TFPI: variants seen among roughly 807,000 people sequenced by gnomAD.
The protein encoded by TFPI is tissue factor pathway inhibitor, also known as anti-convertin.
TFPI carries 15 observed loss-of-function variants against 34.6 expected under a neutral mutation model. That is an observed-to-expected ratio of 0.43 (90% CI 0.29 to 0.67). The LOEUF is 0.67. Ranked by LOEUF, TFPI falls within the 30% of genes least tolerant of loss-of-function variation. The probability of loss-of-function intolerance (pLI) is 0.15; values close to 1 mark genes in which losing one functional copy is unlikely to be tolerated. For synonymous variants in TFPI, 105 were observed against 120.1 expected (o/e 0.87, Z 0.82); for missense variants, 301 against 364.0 (o/e 0.83, Z 1.41).
In TFPI at chr2:187,479,530, G is replaced by A. The variant is rs575704127; in HGVS notation, c.628+4594C>T. Among the ~76,000 whole-genome samples the A allele has an allele frequency of 2.2e-4, 28 of 124,574 alleles. No individual in the cohort carries two copies. In the South Asian group the frequency reaches 7.4e-3, roughly 33 times the overall value. The allele number at this position is 124,574 out of a possible 152,430, so 81.7% of individuals were successfully genotyped here. A position where few individuals can be genotyped will look rare whatever the true frequency, so the allele number is the denominator to read the frequency against. The stretch of plus-strand genomic sequence containing the variant: ...GCCCCTATTAGTTTATGCTTATTTT[G>A]GGGGGATATCACGTTCATATATATA... On this transcript the variant is annotated intron_variant, in intron 6 of 7. Coordinates refer to ENST00000233156, the MANE Select transcript of TFPI (RefSeq NM_006287.6).
intron 1 of TFPI, among the ~76,000 whole-genome samples, chr2:187,510,309 T>C (rs1256106056): frequency 6.6e-6 from 1 of 152,172 alleles, no homozygotes; most frequent in Admixed American, 6.5e-5. Flanking sequence ...GTCCTACCAC[T>C]GTAACCCACA....
rs1458815942 is a variant in TFPI, at chr2:187,497,052, T to G, written c.148A>C (p.Met50Leu). Reference sequence around the variant, plus strand: ...GCCTTGAATGCACAAAATGAATGCATAAGTTTCAGTGGTGGCAACTCCGTA... The same window carrying G: ...GCCTTGAATGCACAAAATGAATGCAGAAGTTTCAGTGGTGGCAACTCCGTA... Reference protein sequence around the residue: ...TDTELPPLKLMHSFCAFKADD... With the variant: ...TDTELPPLKLLHSFCAFKADD... Residue 50 changes from methionine (M) to leucine (L), a missense_variant, in exon 3 of 8, where the codon ATG becomes CTG. Physicochemically the swap from Met to Leu is conservative, Grantham distance 15 (BLOSUM62 2). Transcript: ENST00000233156. The G allele has an allele frequency of 6.2e-7, 1 of 1,612,992 alleles. No homozygotes were observed. The highest frequency in any genetic ancestry group is 1.1e-5 in the South Asian group (1 of 91,050).
intron 4 of TFPI, among the ~76,000 whole-genome samples, chr2:187,486,591 G>A (rs1267508134): frequency 6.6e-6 from 1 of 151,602 alleles, no homozygotes; most frequent in Non-Finnish European, 1.5e-5. Context: ...ATGAACTTAT[G>A]TGAAGACAAA....
chr2:187,510,597 G>A (rs898390938), intron 1 of TFPI, among the ~76,000 whole-genome samples: 4 of 152,166 alleles, frequency 2.6e-5, no homozygotes, highest in Non-Finnish European at 4.4e-5. Flanking sequence ...CAGGCAGCCC[G>A]GCGCTGTGCC....
intron 6 of TFPI, among the ~76,000 whole-genome samples, chr2:187,474,821 T>C (rs1692269654): frequency 6.6e-6 from 1 of 152,186 alleles, no homozygotes; most frequent in Non-Finnish European, 1.5e-5. Flanking sequence ...GTGGCTTTTA[T>C]TCATTGTGGC....
At chr2:187,507,955 A>G (rs1419622641) in intron 1 of TFPI, among the ~76,000 whole-genome samples, 1 of 152,176 alleles carries the variant, frequency 6.6e-6, no homozygotes, top group Non-Finnish European at 1.5e-5. Context: ...TCTTATGTTT[A>G]AGTCTTTAAT....
At chr2:187,543,689 T>C (rs577710543) in intron 1 of TFPI, among the ~76,000 whole-genome samples, 4 of 152,334 alleles carry the variant, frequency 2.6e-5, no homozygotes, top group African/African-American at 7.2e-5. Context: ...TAACCCACAT[T>C]AATCATGGTG....
intron 2 of TFPI, among the ~76,000 whole-genome samples, chr2:187,497,391 C>T (rs959789609): frequency 2.0e-5 from 3 of 151,996 alleles, no homozygotes; most frequent in African/African-American, 4.8e-5. Flanking sequence ...TTTAACTCAG[C>T]TAATGGACAG....
intron 1 of TFPI, among the ~76,000 whole-genome samples, chr2:187,553,187 T>C (rs1477192707): frequency 1.4e-5 from 2 of 143,050 alleles, no homozygotes; most frequent in Non-Finnish European, 3.2e-5. Context: ...CTCTCAAAAT[T>C]GTCACAACTT....
chr2:187,548,881 C>A (rs889621567), intron 1 of TFPI, among the ~76,000 whole-genome samples: 6 of 152,072 alleles, frequency 3.9e-5, no homozygotes, highest in African/African-American at 1.4e-4. Context: ...TTGGCACATT[C>A]TTCAGCTGTT....
At chr2:187,538,120 C>T (rs1179957833) in intron 1 of TFPI, among the ~76,000 whole-genome samples, 1 of 152,206 alleles carries the variant, frequency 6.6e-6, no homozygotes, top group East Asian at 1.9e-4. Context: ...AATAGGAATG[C>T]TTTTGCACTG....
At chr2:187,548,738 T>C (rs940716893) in intron 1 of TFPI, among the ~76,000 whole-genome samples, 4 of 152,076 alleles carry the variant, frequency 2.6e-5, no homozygotes, top group African/African-American at 4.8e-5. Context: ...AGGGCTCTTA[T>C]TAATATTTGC....
chr2:187,525,450 T>C lies in TFPI; in HGVS notation c.-2-21680A>G, dbSNP rs557227238. On this transcript the variant is annotated intron_variant, in intron 1 of 7. Transcript: ENST00000233156. ...CCTTCCTCCCTTCCTTTTTTTCTCCTTCCTCCCTCTTTCCCTCTCTCTTTC... is the reference window on the plus strand; with the variant it reads ...CCTTCCTCCCTTCCTTTTTTTCTCCCTCCTCCCTCTTTCCCTCTCTCTTTC... Among the ~76,000 whole-genome samples, 11 of 152,118 alleles carry C rather than the reference T, an allele frequency of 7.2e-5. No individual in the cohort carries two copies. In the South Asian group the frequency reaches 2.1e-3, roughly 29 times the overall value.
At chr2:187,479,549 A>C (rs1692673633) in intron 6 of TFPI, among the ~76,000 whole-genome samples, 1 of 15,616 alleles carries the variant, frequency 6.4e-5, no homozygotes, top group Non-Finnish European at 1.7e-4. Flanking sequence ...TCACGTTCAT[A>C]TATATATATA....
At chr2:187,479,955 G>A (rs1264763901) in intron 6 of TFPI, among the ~76,000 whole-genome samples, 1 of 151,924 alleles carries the variant, frequency 6.6e-6, no homozygotes, top group Non-Finnish European at 1.5e-5. Flanking sequence ...AACTCAAAAA[G>A]TTCGGAAAGT....
intron 3 of TFPI, among the ~76,000 whole-genome samples, chr2:187,493,852 A>T (rs1685285617): frequency 6.6e-6 from 1 of 152,162 alleles, no homozygotes; most frequent in African/African-American, 2.4e-5. Flanking sequence ...CTTATCGTTC[A>T]TATCACTATC....
At chr2:187,506,389 A>C (rs1373098892) in intron 1 of TFPI, among the ~76,000 whole-genome samples, 1 of 152,092 alleles carries the variant, frequency 6.6e-6, no homozygotes, top group African/African-American at 2.4e-5. Context: ...GAGACTTCTC[A>C]TACACCTCAC....
intron 1 of TFPI, chr2:187,514,513 T>C (rs554254559): frequency 3.3e-5 from 5 of 152,358 alleles, no homozygotes; most frequent in Admixed American, 1.3e-4. Flanking sequence ...GTGTCTCTCA[T>C]GACAGGGAGA....
chr2:187,506,135 T>C lies in TFPI; in HGVS notation c.-2-2365A>G, dbSNP rs1345571975. ...AGGGATGAATCCATGCACCAACTTC[T>C]ATATACCATGCAAAATCTTTTTCCT... On this transcript the variant is annotated intron_variant, in intron 1 of 7. Coordinates refer to ENST00000233156, the MANE Select transcript of TFPI (RefSeq NM_006287.6). 3.9e-5 allele frequency among the ~76,000 whole-genome samples: 6 copies of C among 152,068 alleles called. No individual in the cohort carries two copies. The South Asian group carries it at 1.2e-3, about 31-fold the overall frequency.
Sources: gnomAD v4.1 joint callset for allele counts (sites outside exome capture counted in the v4.1 genomes callset) on GRCh38, gnomAD v4.1.1 for gene constraint, MANE v1.5 for transcripts, NCBI Gene and HGNC (gene_info 2026-07-23, HGNC 2026-07-21) for gene names.